Variants in THSD4 observed in about 807,000 individuals in gnomAD.
THSD4 encodes thrombospondin type-1 domain-containing protein 4.
THSD4 carries 69 observed loss-of-function variants against 119.0 expected under a neutral mutation model. The observed-to-expected ratio is 0.58, with a 90% CI of 0.48 to 0.71. The LOEUF (loss-of-function observed/expected upper bound fraction) is 0.71. Ranked by LOEUF, THSD4 falls within the 30% of genes least tolerant of loss-of-function variation. THSD4 has a pLI of 0.00. For missense variants in THSD4, 1,393 were observed against 1,391.1 expected (o/e 1.00, Z -0.02); for synonymous variants, 524 against 540.4 (o/e 0.97, Z 0.42).
intron 14 of THSD4, among the ~76,000 whole-genome samples, chr15:71,753,493 T>C (rs141352886): frequency 1.1e-3 from 161 of 152,348 alleles, no homozygotes; most frequent in Middle Eastern, 6.8e-3. Context: ...AGGGGCCAGT[T>C]GGGCCAAGTT....
At chr15:71,137,384 C>T (rs2040561138) in intron 1 of THSD4, among the ~76,000 whole-genome samples, 1 of 152,204 alleles carries the variant, frequency 6.6e-6, no homozygotes, top group African/African-American at 2.4e-5. Flanking sequence ...TTTGCCTTGG[C>T]TTCTAGGTTT....
At chr15:71,546,520 C>T (rs2048840148) in intron 7 of THSD4, among the ~76,000 whole-genome samples, 1 of 152,208 alleles carries the variant, frequency 6.6e-6, no homozygotes, top group South Asian at 2.1e-4. Flanking sequence ...GCTCTTATTT[C>T]TTTAAAACCA....
At chr15:71,205,458 G>A (rs1325282699) in intron 3 of THSD4, among the ~76,000 whole-genome samples, 2 of 152,060 alleles carry the variant, frequency 1.3e-5, no homozygotes, top group Non-Finnish European at 2.9e-5. Context: ...CCTCTGCATG[G>A]TTCATATTTT....
chr15:71,237,732 G>C (rs2044117106), intron 4 of THSD4, among the ~76,000 whole-genome samples: 1 of 152,156 alleles, frequency 6.6e-6, no homozygotes, highest in Non-Finnish European at 1.5e-5. Flanking sequence ...AAAGGCGGGA[G>C]TTGTCAGTTC....
chr15:71,348,967 T>C (rs760211376), intron 6 of THSD4, among the ~76,000 whole-genome samples: 1 of 152,246 alleles, frequency 6.6e-6, no homozygotes, highest in Non-Finnish European at 1.5e-5. Context: ...CCTCTTGTAT[T>C]GTAATCTCTA....
intron 10 of THSD4, 50 bp downstream of exon 10, chr15:71,731,267 G>A (rs1335743263): frequency 1.3e-6 from 2 of 1,549,568 alleles, no homozygotes; most frequent in Non-Finnish European, 1.8e-6. Flanking sequence ...TCCTTGTAAA[G>A]CCTTCTCTCT....
At chr15:71,315,541 T>C (rs1028065712) in intron 6 of THSD4, among the ~76,000 whole-genome samples, 1 of 152,238 alleles carries the variant, frequency 6.6e-6, no homozygotes, top group Admixed American at 6.5e-5. Context: ...GCACCCAGGA[T>C]AGGAGGTCAG....
chr15:71,326,333 A>G (rs1169162171), intron 6 of THSD4, among the ~76,000 whole-genome samples: 2 of 151,998 alleles, frequency 1.3e-5, no homozygotes, highest in Non-Finnish European at 2.9e-5. Flanking sequence ...CAGAGTGAAC[A>G]CTCAGAAAAT....
chr15:71,430,147 A>G (rs1448981185), intron 7 of THSD4, among the ~76,000 whole-genome samples: 1 of 151,942 alleles, frequency 6.6e-6, no homozygotes, highest in East Asian at 1.9e-4. Context: ...GTAGGGCCTT[A>G]GGAAAAAAGA....
intron 7 of THSD4, among the ~76,000 whole-genome samples, chr15:71,552,143 C>G (rs1325309018): frequency 6.6e-6 from 1 of 152,176 alleles, no homozygotes; most frequent in Admixed American, 6.5e-5. Context: ...ATGCATAGTT[C>G]AGATCACAGA....
intron 3 of THSD4, among the ~76,000 whole-genome samples, chr15:71,167,687 TG>T (rs1567143493): frequency 6.6e-6 from 1 of 152,222 alleles, no homozygotes; most frequent in Non-Finnish European, 1.5e-5. Flanking sequence ...AGCAGACAGC[TG>T]GGGCATAAAG....
chr15:71,676,839 A>T (rs2141023190), intron 8 of THSD4, among the ~76,000 whole-genome samples: 1 of 152,268 alleles, frequency 6.6e-6, no homozygotes, highest in East Asian at 1.9e-4. Context: ...CATTTTGTTT[A>T]TCCATTCATC....
chr15:71,624,634 T>C (rs544235996), intron 7 of THSD4, among the ~76,000 whole-genome samples: 1 of 143,024 alleles, frequency 7.0e-6, no homozygotes, highest in South Asian at 2.2e-4. Context: ...ACACCTGCCC[T>C]CTTTTTTTTA....
At chr15:71,642,918 T>A (rs1317465444) in intron 7 of THSD4, among the ~76,000 whole-genome samples, 3 of 152,110 alleles carry the variant, frequency 2.0e-5, no homozygotes, top group Non-Finnish European at 2.9e-5. Context: ...ACCTGCACAT[T>A]GTGCACATGT....
At chr15:71,125,670 C>T (rs565854848) in intron 1 of THSD4, among the ~76,000 whole-genome samples, 89 of 152,214 alleles carry the variant, frequency 5.8e-4, no homozygotes, top group African/African-American at 2.0e-3. Flanking sequence ...CAGCTGGGTG[C>T]AGACCCAGCT....
At chr15:71,625,876 G>A (rs2050499761) in intron 7 of THSD4, among the ~76,000 whole-genome samples, 1 of 152,126 alleles carries the variant, frequency 6.6e-6, no homozygotes, top group Admixed American at 6.5e-5. Context: ...AGCACAGACT[G>A]GCAGTCCATA....
chr15:71,188,373 G>C (rs1428885182), intron 3 of THSD4, among the ~76,000 whole-genome samples: 2 of 152,142 alleles, frequency 1.3e-5, no homozygotes, highest in African/African-American at 4.8e-5. Flanking sequence ...AGCTTCCTCT[G>C]GGAAGAGGAG....
chr15:71,247,962 GAAC>G (rs1430698713), intron 5 of THSD4, among the ~76,000 whole-genome samples: 2 of 152,162 alleles, frequency 1.3e-5, no homozygotes, highest in Non-Finnish European at 2.9e-5. Flanking sequence ...AGTTGAAAAA[GAAC>G]AACAACCCTT....
intron 6 of THSD4, among the ~76,000 whole-genome samples, chr15:71,339,355 A>G (rs977198469): frequency 1.3e-5 from 2 of 152,068 alleles, no homozygotes; most frequent in Non-Finnish European, 2.9e-5. Flanking sequence ...TTAATGACTC[A>G]GGAAATCTTT....
Sources: allele counts gnomAD v4.1 joint callset (sites outside exome capture counted in the v4.1 genomes callset), GRCh38; gene constraint gnomAD v4.1.1; transcripts MANE v1.5; gene names NCBI Gene and HGNC (gene_info 2026-07-23, HGNC 2026-07-21).